The following PTPRD variants were observed in gnomAD, a reference collection of about 807,000 sequenced individuals.
PTPRD encodes protein tyrosine phosphatase receptor type D.
Under a neutral mutation model 214.5 loss-of-function variants are expected in PTPRD, and 34 were observed. That is an observed-to-expected ratio of 0.16 (90% CI 0.12 to 0.21). The LOEUF is 0.21. PTPRD is among the 10% of genes least tolerant of loss of function. The pLI is 1.00. For synonymous variants in PTPRD, 1,128 were observed against 845.7 expected (o/e 1.33, Z -5.79); for missense variants, 2,545 against 2,398.7 (o/e 1.06, Z -1.27).
intron 3 of PTPRD, among the ~76,000 whole-genome samples, chr9:10,160,022 C>A (rs1342921316): frequency 6.6e-6 from 1 of 151,974 alleles, no homozygotes; most frequent in South Asian, 2.1e-4. Flanking sequence ...GGACTCAATT[C>A]TTCCATTGAA....
rs536579694 is a variant in PTPRD, at chr9:9,618,031, C to T, written c.-286-43250G>A. Among the ~76,000 whole-genome samples, 3 of 131,530 alleles carry T rather than the reference C, an allele frequency of 2.3e-5. No individual in the cohort carries two copies. In the East Asian group the frequency reaches 6.5e-4, roughly 28 times the overall value. 86.3% of individuals were successfully genotyped at this position (131,530 alleles called of 152,430 possible). A position where few individuals can be genotyped will look rare whatever the true frequency, so the allele number is the denominator to read the frequency against. On this transcript the variant is annotated intron_variant, in intron 7 of 45. Transcript: ENST00000381196. Reference sequence around the variant, plus strand: ...AGCTTGCAGTGAGCCCAGATCGCGCCACTGCACTCCAGCCTGGGCGACAGA... The same window carrying T: ...AGCTTGCAGTGAGCCCAGATCGCGCTACTGCACTCCAGCCTGGGCGACAGA...
chr9:9,275,900 C>G (rs977839651), intron 9 of PTPRD, among the ~76,000 whole-genome samples: 18 of 150,904 alleles, frequency 1.2e-4, no homozygotes, highest in African/African-American at 4.1e-4. Flanking sequence ...CTAGAATGTC[C>G]CCAGGCCGTG....
chr9:9,611,019 C>T (rs903177225), intron 7 of PTPRD, among the ~76,000 whole-genome samples: 4 of 152,138 alleles, frequency 2.6e-5, no homozygotes, highest in African/African-American at 7.2e-5. Context: ...AATTAGTCTT[C>T]TATTGTACCC....
intron 8 of PTPRD, among the ~76,000 whole-genome samples, chr9:9,430,992 G>T (rs2082874306): frequency 6.6e-6 from 1 of 151,966 alleles, no homozygotes; most frequent in Admixed American, 6.6e-5. Flanking sequence ...CATAGGCATG[G>T]GCAAGGACTT....
chr9:9,781,444 C>G (rs551667550), intron 5 of PTPRD, among the ~76,000 whole-genome samples: 1 of 152,060 alleles, frequency 6.6e-6, no homozygotes, highest in East Asian at 1.9e-4. Context: ...AGAAAGACAA[C>G]GGTGACATTG....
intron 9 of PTPRD, among the ~76,000 whole-genome samples, chr9:9,387,641 C>G (rs966002876): frequency 1.3e-5 from 2 of 152,036 alleles, no homozygotes; most frequent in Non-Finnish European, 2.9e-5. Flanking sequence ...ATGGACACTT[C>G]AGAGGCACTT....
chr9:10,598,838 G>A (rs1256183754), intron 2 of PTPRD, among the ~76,000 whole-genome samples: 1 of 151,478 alleles, frequency 6.6e-6, no homozygotes, highest in African/African-American at 2.4e-5. Context: ...GAGACTAGTA[G>A]ATGATATAAA....
intron 7 of PTPRD, among the ~76,000 whole-genome samples, chr9:9,618,071 CAAAAAAAAAAAAAAAAAAAA>C (rs34125624): frequency 4.8e-4 from 11 of 23,028 alleles, no homozygotes; most frequent in African/African-American, 1.3e-3. Context: ...GACTCCATCT[CAAAAAAAAAAAAAAAAAAAA>C]AAAAAAAAAA....
chr9:8,804,097 G>T (rs1395936048), intron 11 of PTPRD, among the ~76,000 whole-genome samples: 2 of 151,684 alleles, frequency 1.3e-5, no homozygotes, highest in Admixed American at 6.6e-5. Flanking sequence ...GGATTAGAGG[G>T]GTGTGCTACC....
intron 11 of PTPRD, among the ~76,000 whole-genome samples, chr9:8,958,244 G>C (rs977324000): frequency 6.6e-6 from 1 of 151,800 alleles, no homozygotes; most frequent in East Asian, 1.9e-4. Context: ...TTTGTGTCCT[G>C]CTTGCCACTT....
intron 2 of PTPRD, among the ~76,000 whole-genome samples, chr9:10,550,023 G>T (rs1339155668): frequency 2.0e-5 from 3 of 152,078 alleles, no homozygotes; most frequent in Non-Finnish European, 4.4e-5. Context: ...GGATGGATAG[G>T]TTGGATCCCA....
chr9:10,171,218 T>A (rs201460832), intron 3 of PTPRD, among the ~76,000 whole-genome samples: 2 of 152,212 alleles, frequency 1.3e-5, no homozygotes, highest in African/African-American at 2.4e-5. Flanking sequence ...GGTTTGGCTG[T>A]GTCCCCACCC....
At chr9:10,220,206 C>T (rs1488780591) in intron 3 of PTPRD, among the ~76,000 whole-genome samples, 1 of 151,690 alleles carries the variant, frequency 6.6e-6, no homozygotes, top group Non-Finnish European at 1.5e-5. Context: ...CAGTATAACA[C>T]AAAAGAATAT....
At chr9:9,986,156 G>A (rs1337033988) in intron 4 of PTPRD, among the ~76,000 whole-genome samples, 2 of 152,086 alleles carry the variant, frequency 1.3e-5, no homozygotes, top group African/African-American at 4.8e-5. Context: ...CTTTTACACT[G>A]CTGAGATATA....
At chr9:10,090,881 A>T (rs2098420476) in intron 3 of PTPRD, among the ~76,000 whole-genome samples, 1 of 149,178 alleles carries the variant, frequency 6.7e-6, no homozygotes, top group South Asian at 2.1e-4. Context: ...TCTTACAAAA[A>T]TCTACACCAA....
chr9:9,458,433 A>C (rs1020194013), intron 8 of PTPRD, among the ~76,000 whole-genome samples: 2 of 152,080 alleles, frequency 1.3e-5, no homozygotes, highest in Admixed American at 1.3e-4. Context: ...TGATAGGTTG[A>C]TTTAAGATTT....
At chr9:10,238,226 A>G (rs376917730) in intron 3 of PTPRD, among the ~76,000 whole-genome samples, 41 of 151,704 alleles carry the variant, frequency 2.7e-4, no homozygotes, top group African/African-American at 7.7e-4. Flanking sequence ...CGTTGCTTCA[A>G]TAATGTAATT....
intron 8 of PTPRD, among the ~76,000 whole-genome samples, chr9:9,413,889 C>T (rs1024167489): frequency 8.4e-4 from 128 of 152,312 alleles, no homozygotes; most frequent in African/African-American, 3.0e-3. Context: ...TTGCCCTTTA[C>T]ATGTAATACA....
intron 10 of PTPRD, among the ~76,000 whole-genome samples, chr9:9,054,427 T>C (rs998630997): frequency 1.3e-5 from 2 of 152,162 alleles, no homozygotes; most frequent in Middle Eastern, 3.2e-3. Flanking sequence ...AAATGAAACA[T>C]TGAAATAGTA....
Sources: gnomAD v4.1 joint callset for allele counts (sites outside exome capture counted in the v4.1 genomes callset) on GRCh38, gnomAD v4.1.1 for gene constraint, MANE v1.5 for transcripts, NCBI Gene and HGNC (gene_info 2026-07-23, HGNC 2026-07-21) for gene names.